Variants in IQSEC1 observed in about 807,000 individuals in gnomAD.
IQSEC1 encodes the protein IQ motif and Sec7 domain ArfGEF 1, also known as IQ motif and SEC7 domain-containing protein 1.
In IQSEC1, 31 loss-of-function variants were observed where a neutral mutation model predicts 91.0. The ratio of observed to expected loss-of-function variants is 0.34; its 90% CI spans 0.26 to 0.46. The LOEUF (loss-of-function observed/expected upper bound fraction) is 0.46. Ranked by LOEUF, IQSEC1 falls within the 20% of genes least tolerant of loss-of-function variation. IQSEC1 has a pLI of 1.00. For missense variants in IQSEC1, 1,388 were observed against 1,575.6 expected (o/e 0.88, Z 2.02); for synonymous variants, 699 against 662.6 (o/e 1.05, Z -0.84).
intron 1 of IQSEC1, among the ~76,000 whole-genome samples, chr3:13,223,412 C>A (rs1465144337): frequency 6.6e-6 from 1 of 152,224 alleles, no homozygotes; most frequent in Non-Finnish European, 1.5e-5. Context: ...CCTGGCACAG[C>A]CTCCACCCCT....
At chr3:13,058,010 C>T (rs1031035019) in intron 1 of IQSEC1, among the ~76,000 whole-genome samples, 1 of 152,258 alleles carries the variant, frequency 6.6e-6, no homozygotes, top group African/African-American at 2.4e-5. Context: ...CAGTGGCTCA[C>T]ACCTATAATC....
chr3:13,129,603 G>A (rs4684913), intron 2 of IQSEC1, among the ~76,000 whole-genome samples: 74,682 of 150,420 alleles, frequency 0.5, 19,288 homozygotes, highest in Admixed American at 0.59. Context: ...TTCTAATATT[G>A]GCATTTAGTG....
At chr3:13,038,262 G>GTATGTATATATATATA (rs1704114423) in intron 1 of IQSEC1, among the ~76,000 whole-genome samples, 1 of 101,236 alleles carries the variant, frequency 9.9e-6, no homozygotes, top group African/African-American at 3.6e-5. Context: ...GTGTGTGTGT[G>GTATGTATATATATATA]TATATATATA....
chr3:13,001,005 C>T (rs1702398669), intron 1 of IQSEC1, among the ~76,000 whole-genome samples: 3 of 142,724 alleles, frequency 2.1e-5, no homozygotes, highest in Non-Finnish European at 4.5e-5. Flanking sequence ...GGCTGGAGTA[C>T]AGTGGCTCGA....
At chr3:13,133,131 T>C (rs959543556) in intron 2 of IQSEC1, among the ~76,000 whole-genome samples, 2 of 152,194 alleles carry the variant, frequency 1.3e-5, no homozygotes, top group Non-Finnish European at 2.9e-5. Context: ...AGAGGGGCCA[T>C]TCCCATCACT....
chr3:13,166,797 G>C (rs1693505515), intron 1 of IQSEC1, among the ~76,000 whole-genome samples: 1 of 152,198 alleles, frequency 6.6e-6, no homozygotes, highest in Non-Finnish European at 1.5e-5. Context: ...CAGGCTGTAG[G>C]AAGTGTCTGC....
intron 1 of IQSEC1, among the ~76,000 whole-genome samples, chr3:12,952,283 C>T (rs1324937633): frequency 6.6e-6 from 1 of 152,166 alleles, no homozygotes; most frequent in Non-Finnish European, 1.5e-5. Flanking sequence ...GCTTCCTACA[C>T]CAGGCCAGCT....
At chr3:13,160,849 C>T (rs1017912950) in intron 2 of IQSEC1, among the ~76,000 whole-genome samples, 4 of 152,284 alleles carry the variant, frequency 2.6e-5, no homozygotes, top group African/African-American at 9.6e-5. Flanking sequence ...CGAGCCACAA[C>T]TCAGGGGCCT....
intron 3 of IQSEC1, among the ~76,000 whole-genome samples, chr3:12,925,058 G>A (rs1017808191): frequency 6.6e-6 from 1 of 152,176 alleles, no homozygotes; most frequent in Non-Finnish European, 1.5e-5. Context: ...TGGGCTGGCT[G>A]CAGGGGTGCT....
chr3:13,222,574 G>T (rs1362311138), intron 1 of IQSEC1, among the ~76,000 whole-genome samples: 1 of 152,090 alleles, frequency 6.6e-6, no homozygotes, highest in East Asian at 1.9e-4. Flanking sequence ...GCTGCACCAC[G>T]TTACCTCCCC....
rs951618527 is a variant in IQSEC1 at position 13,207,066 on chromosome 3, C to G, written c.273-42933G>C. Among the ~76,000 whole-genome samples the G allele has an allele frequency of 5.3e-5, 8 of 152,250 alleles. No homozygotes were observed. The highest frequency in any genetic ancestry group is 2.0e-4 in the Admixed American group (3 of 15,304). ...ATTAGCCAGGACAGCATCTGAGCTTCGTAGACCTGGGCAGGGCTGTTGGGA... is the reference window on the plus strand; with the variant it reads ...ATTAGCCAGGACAGCATCTGAGCTTGGTAGACCTGGGCAGGGCTGTTGGGA... On this transcript the variant is annotated intron_variant, in intron 1 of 15. Transcript: ENST00000648114. The surrounding 1 kb of genome is among the most constrained non-coding windows in gnomAD (Gnocchi z 4.8).
chr3:12,926,497 C>G (rs1261666257), intron 3 of IQSEC1, among the ~76,000 whole-genome samples: 2 of 152,350 alleles, frequency 1.3e-5, no homozygotes, highest in East Asian at 3.9e-4. Flanking sequence ...CGAGGGCTGT[C>G]AAGTGGTTGG....
intron 1 of IQSEC1, among the ~76,000 whole-genome samples, chr3:13,237,415 T>C (rs1192181632): frequency 6.6e-6 from 1 of 152,198 alleles, no homozygotes; most frequent in Admixed American, 6.5e-5. Context: ...AATCCTCCCA[T>C]TCTGAAGGTT....
At chr3:12,986,504 G>C (rs1484661135) in intron 1 of IQSEC1, among the ~76,000 whole-genome samples, 18 of 152,244 alleles carry the variant, frequency 1.2e-4, no homozygotes, top group Admixed American at 1.2e-3. Flanking sequence ...TGGAAGGCAG[G>C]AGTAACGATG....
At position 13,053,499 on chromosome 3, in the gene IQSEC1, A is replaced by G. The variant is rs139947609; in HGVS notation, c.23+19493T>C. Among the ~76,000 whole-genome samples the G allele has an allele frequency of 4.9e-4, 75 of 152,366 alleles. 1 individual carries two copies. The highest frequency in any genetic ancestry group is 1.6e-3 in the African/African-American group (65 of 41,594). On this transcript the variant is annotated intron_variant, in intron 1 of 13. Coordinates refer to ENST00000613206, the MANE Select transcript of IQSEC1 (RefSeq NM_001134382.3). ...AGCTCTGAGCTGTCTCAGCCAGACG[A>G]TGACCTTGTGTGTTCCTGAGACGGA...
In IQSEC1 at chr3:12,994,182, C is replaced by T. The variant is rs1284299486; in HGVS notation, c.24-52317G>A. Among the ~76,000 whole-genome samples the T allele has an allele frequency of 6.8e-6, 1 of 147,182 alleles. No homozygotes were observed. Among genetic ancestry groups the T allele is most frequent in the Non-Finnish European group, 1.5e-5 (1 of 66,190 alleles). On this transcript the variant is annotated intron_variant, in intron 1 of 13. Coordinates refer to ENST00000613206, the MANE Select transcript of IQSEC1 (RefSeq NM_001134382.3). This position sits in a 1 kb window ranked among gnomAD's most constrained non-coding sequence, Gnocchi z 4.5. ...GCGCGGGGGGGCGGGGGCGGGCGCTCGGGAGCCGGAGCCGGAGCCCGAGCC... is the reference window on the plus strand; with the variant it reads ...GCGCGGGGGGGCGGGGGCGGGCGCTTGGGAGCCGGAGCCGGAGCCCGAGCC...
In IQSEC1 at chr3:12,941,714, G is replaced by C. The variant is rs780351811; in HGVS notation, c.175C>G (p.Pro59Ala). 2 of 1,612,602 alleles carry C rather than the reference G, an allele frequency of 1.2e-6. No homozygotes were observed. The highest frequency in any genetic ancestry group is 3.3e-5 in the Admixed American group (2 of 60,008). ...VGAYGLYSGP[P>A]GQQQRTRRPK... ...CTCCGCGTGCGCTGCTGTTGCCCCG[G>C]CGGCCCCGAGTACAGCCCATAGGCT... is the stretch of plus-strand genomic sequence containing the variant. The change falls in exon 2 of 14, where the codon CCG becomes GCG. Residue 59 changes from proline to alanine, a missense_variant. Physicochemically the swap from Pro to Ala is conservative, Grantham distance 27 (BLOSUM62 -1). This residue lies in a region of IQSEC1 where 1,059 missense variants were observed against 1,317.8 expected (regional missense o/e 0.80). Transcript: ENST00000613206.
chr3:13,058,894 C>T (rs1212534512), intron 1 of IQSEC1, among the ~76,000 whole-genome samples: 8 of 152,254 alleles, frequency 5.3e-5, no homozygotes, highest in African/African-American at 9.6e-5. Context: ...GCCCTCGGCC[C>T]ACGGGGTGCC....
At chr3:12,905,862 C>G (rs1575850165) in intron 12 of IQSEC1, among the ~76,000 whole-genome samples, 1 of 152,292 alleles carries the variant, frequency 6.6e-6, no homozygotes, top group African/African-American at 2.4e-5. Context: ...TCCATCACCA[C>G]TTGGCTGAAC....
Sources: gnomAD v4.1 joint callset for allele counts (sites outside exome capture counted in the v4.1 genomes callset) on GRCh38, gnomAD v4.1.1 for gene constraint, gnomAD v4.1.1 regional missense constraint, Gnocchi (gnomAD v3.1) non-coding constraint, MANE v1.5 for transcripts, NCBI Gene and HGNC (gene_info 2026-07-23, HGNC 2026-07-21) for gene names.